Variants in WHRN observed in about 807,000 individuals in gnomAD.
WHRN encodes the protein whirlin, also known as CASK-interacting protein CIP98.
In WHRN, 41 loss-of-function variants were observed where a neutral mutation model predicts 68.3. The ratio of observed to expected loss-of-function variants is 0.60; its 90% CI spans 0.47 to 0.78. The LOEUF (loss-of-function observed/expected upper bound fraction) is 0.78, where lower values mean the gene tolerates loss of function less well. WHRN is among the 30% of genes least tolerant of loss of function. The pLI, the probability that WHRN is intolerant of heterozygous loss-of-function variation, is 0.00. For synonymous variants in WHRN, 560 were observed against 561.3 expected (o/e 1.00, Z 0.03); for missense variants, 1,243 against 1,244.7 (o/e 1.00, Z 0.02).
chr9:114,425,114 C>A (rs114621936), intron 4 of WHRN, 90 bp from the exon 5 acceptor site: 1 of 1,334,996 alleles, frequency 7.5e-7, no homozygotes, highest in South Asian at 1.2e-5. Flanking sequence ...GCAGGAAGAG[C>A]AAAGCTTCAA....
At chr9:114,452,214 G>C (rs1839399816) in intron 3 of WHRN, among the ~76,000 whole-genome samples, 1 of 152,182 alleles carries the variant, frequency 6.6e-6, no homozygotes, top group African/African-American at 2.4e-5. Context: ...TTTTCACCAT[G>C]CTTTTACTTA....
chr9:114,486,893 TGTGTGTGTGTGTAGAG>T (rs1842526584), intron 1 of WHRN, among the ~76,000 whole-genome samples: 1 of 54,184 alleles, frequency 1.8e-5, no homozygotes, highest in African/African-American at 4.7e-5. Context: ...TTAGTGTGTG[TGTGTGTGTGTGTAGAG>T]TGTGTGTGTG....
At chr9:114,501,052 G>A (rs1328733141) in intron 1 of WHRN, among the ~76,000 whole-genome samples, 1 of 152,176 alleles carries the variant, frequency 6.6e-6, no homozygotes, top group East Asian at 1.9e-4. Context: ...CAAGCTGGAA[G>A]GGATCTTGGA....
chr9:114,403,413 T>C (rs1017393435), intron 10 of WHRN, 74 bp from the exon 11 acceptor site: 1 of 1,598,126 alleles, frequency 6.3e-7, no homozygotes, highest in Non-Finnish European at 8.6e-7. Flanking sequence ...GGCCGGGCCG[T>C]GACACCACCC....
chr9:114,464,009 G>A (rs1419867448), intron 3 of WHRN, among the ~76,000 whole-genome samples: 3 of 152,182 alleles, frequency 2.0e-5, no homozygotes, highest in Non-Finnish European at 4.4e-5. Flanking sequence ...AATGCTTGAG[G>A]GGATGGATAC....
chr9:114,454,811 T>A (rs968121368), intron 3 of WHRN, among the ~76,000 whole-genome samples: 1 of 152,172 alleles, frequency 6.6e-6, no homozygotes, highest in East Asian at 1.9e-4. Context: ...ACTTCCAGAC[T>A]TACTGTAAAG....
At chr9:114,444,844 T>C (rs1373769774) in intron 3 of WHRN, among the ~76,000 whole-genome samples, 1 of 151,706 alleles carries the variant, frequency 6.6e-6, no homozygotes, top group Non-Finnish European at 1.5e-5. Context: ...TGCTAAAATG[T>C]TATGGAAGGT....
intron 3 of WHRN, among the ~76,000 whole-genome samples, chr9:114,459,440 G>A (rs1028487150): frequency 6.9e-6 from 1 of 145,028 alleles, no homozygotes; most frequent in African/African-American, 2.6e-5. Flanking sequence ...TCCAGCCTGG[G>A]CAATAGAGCG....
intron 3 of WHRN, among the ~76,000 whole-genome samples, chr9:114,459,805 A>C (rs952767787): frequency 3.9e-5 from 6 of 152,228 alleles, no homozygotes; most frequent in African/African-American, 1.4e-4. Context: ...AGCCATAATC[A>C]CAAAACGAAA....
chr9:114,483,407 C>T (rs2133196897), intron 1 of WHRN, among the ~76,000 whole-genome samples: 1 of 152,252 alleles, frequency 6.6e-6, no homozygotes, highest in Admixed American at 6.5e-5. Flanking sequence ...TTCTACAAAC[C>T]ATTGCTTGCT....
At chr9:114,444,229 C>G (rs1392574767) in intron 3 of WHRN, among the ~76,000 whole-genome samples, 1 of 152,164 alleles carries the variant, frequency 6.6e-6, no homozygotes, top group Non-Finnish European at 1.5e-5. Context: ...TGCTAAGAAG[C>G]ATTTGACAAA....
At chr9:114,403,183 GGA>G (rs771377410) in intron 11 of WHRN, 32 bp downstream of exon 11, 2 of 1,613,762 alleles carry the variant, frequency 1.2e-6, no homozygotes, top group East Asian at 4.5e-5. Flanking sequence ...TCAGGGGTAG[GGA>G]GAGATGGCAA....
chr9:114,419,371 A>T (rs1836076057), intron 7 of WHRN, among the ~76,000 whole-genome samples: 1 of 152,276 alleles, frequency 6.6e-6, no homozygotes, highest in African/African-American at 2.4e-5. Flanking sequence ...TTATTAATAA[A>T]GGCCCAAATT....
Position 114,504,173 on chromosome 9 carries a change from C to G in WHRN, c.618+11G>C. On this transcript the variant is annotated intron_variant, in intron 1 of 11. Transcript: ENST00000362057. ...ACTCTGCCCCAGACTCTCTCCAAAC[C>G]ACAGCCTTACCTTGACGGCCTCCGC... 6.2e-7 allele frequency: 1 copy of G among 1,614,102 alleles called. No individual in the cohort carries two copies. The highest frequency in any genetic ancestry group is 8.5e-7 in the Non-Finnish European group (1 of 1,180,042).
At chr9:114,474,983 C>T (rs1286706376) in intron 2 of WHRN, among the ~76,000 whole-genome samples, 1 of 152,122 alleles carries the variant, frequency 6.6e-6, no homozygotes, top group Non-Finnish European at 1.5e-5. Flanking sequence ...GACAGCTACT[C>T]TCAAAACAAC....
intron 1 of WHRN, among the ~76,000 whole-genome samples, chr9:114,496,831 G>A (rs1363089651): frequency 6.6e-6 from 1 of 152,162 alleles, no homozygotes; most frequent in Admixed American, 6.5e-5. Flanking sequence ...AACCTCTTGG[G>A]TACATACCAC....
chr9:114,492,207 CA>C (rs1247999950), intron 1 of WHRN, among the ~76,000 whole-genome samples: 3 of 152,150 alleles, frequency 2.0e-5, no homozygotes, highest in African/African-American at 4.8e-5. Context: ...AATTCCGTCC[CA>C]GGGGCAGTCT....
At chr9:114,467,953 T>G (rs1361977524) in intron 2 of WHRN, among the ~76,000 whole-genome samples, 1 of 152,142 alleles carries the variant, frequency 6.6e-6, no homozygotes, top group Non-Finnish European at 1.5e-5. Flanking sequence ...CCAACCAGAT[T>G]TCTATTTCGG....
chr9:114,459,303 C>A (rs199984459), intron 3 of WHRN, among the ~76,000 whole-genome samples: 13 of 149,262 alleles, frequency 8.7e-5, no homozygotes, highest in Non-Finnish European at 3.0e-5. Flanking sequence ...ACTAAAAATA[C>A]AAAAAAAAAA....
Sources: allele counts gnomAD v4.1 joint callset (sites outside exome capture counted in the v4.1 genomes callset), GRCh38; gene constraint gnomAD v4.1.1; transcripts MANE v1.5; gene names NCBI Gene and HGNC (gene_info 2026-07-23, HGNC 2026-07-21).